Variants in ZHX2 observed in about 807,000 individuals in gnomAD.
ZHX2 encodes the protein zinc fingers and homeoboxes 2, also known as zinc fingers and homeoboxes protein 2.
A neutral mutation model predicts 21.9 loss-of-function variants in ZHX2; 6 were observed. That is an observed-to-expected ratio of 0.27 (90% CI 0.15 to 0.54). The LOEUF (loss-of-function observed/expected upper bound fraction) is 0.54, where lower values mean the gene tolerates loss of function less well. Among genes scored for constraint, ZHX2 ranks in the 20% least tolerant of loss-of-function variants. The pLI, the probability that ZHX2 is intolerant of heterozygous loss-of-function variation, is 0.95. For missense variants in ZHX2, 908 were observed against 1,090.7 expected (o/e 0.83, Z 2.36); for synonymous variants, 434 against 437.1 (o/e 0.99, Z 0.09).
chr8:122,971,843 C>A (rs561523515), intron 3 of ZHX2, among the ~76,000 whole-genome samples: 6 of 152,122 alleles, frequency 3.9e-5, no homozygotes, highest in Non-Finnish European at 5.9e-5. Context: ...GACCTGCCCC[C>A]ATTTCCTCTA....
chr8:122,941,748 G>A (rs1046232905), intron 2 of ZHX2, among the ~76,000 whole-genome samples: 2 of 152,050 alleles, frequency 1.3e-5, no homozygotes, highest in African/African-American at 2.4e-5. Flanking sequence ...TGAATTAGAA[G>A]AAGCCAAGTG....
chr8:122,966,893 C>T (rs1270919280), intron 3 of ZHX2, among the ~76,000 whole-genome samples: 1 of 152,114 alleles, frequency 6.6e-6, no homozygotes, highest in Non-Finnish European at 1.5e-5. Context: ...AATTCAAAAG[C>T]CTTGTCTTCA....
At position 122,973,662 on chromosome 8, in the gene ZHX2, T is replaced by G. The variant is rs561617063; in HGVS notation, c.*425T>G. The G allele has an allele frequency of 6.6e-6, 1 of 152,666 alleles. No individual in the cohort carries two copies. Among genetic ancestry groups the G allele is most frequent in the South Asian group, 2.1e-4 (1 of 4,828 alleles). 9.5% of individuals were successfully genotyped at this position (152,666 alleles called of 1,614,324 possible). On this transcript the variant is annotated 3_prime_UTR_variant, in exon 4 of 4. Transcript: ENST00000314393. ...TTTTCTCTTTTCTCTTTTTCTTTTTTTTATTTTTGTTTTATTAATTTGGGG... is the reference window on the plus strand; with the variant it reads ...TTTTCTCTTTTCTCTTTTTCTTTTTGTTATTTTTGTTTTATTAATTTGGGG...
intron 2 of ZHX2, among the ~76,000 whole-genome samples, chr8:122,945,606 G>C (rs887336756): frequency 7.2e-5 from 11 of 152,174 alleles, no homozygotes; most frequent in African/African-American, 2.7e-4. Context: ...CAGCAAGGGT[G>C]TATTTGGAGC....
chr8:122,946,412 C>G (rs549272036), intron 2 of ZHX2, among the ~76,000 whole-genome samples: 8 of 151,980 alleles, frequency 5.3e-5, no homozygotes, highest in Non-Finnish European at 1.2e-4. Flanking sequence ...CTCCTTCTTT[C>G]TTTTCTTCCT....
At chr8:122,891,512 A>T (rs1198539184) in intron 2 of ZHX2, among the ~76,000 whole-genome samples, 1 of 151,838 alleles carries the variant, frequency 6.6e-6, no homozygotes, top group Non-Finnish European at 1.5e-5. Context: ...GAGGTGTATC[A>T]TTAGATTGTT....
chr8:122,857,348 C>T (rs1819050367), intron 1 of ZHX2, among the ~76,000 whole-genome samples: 1 of 145,730 alleles, frequency 6.9e-6, no homozygotes, highest in Non-Finnish European at 1.5e-5. Context: ...GCAAGTGACA[C>T]TGTCACAAAC....
chr8:122,898,310 A>G (rs1252481182), intron 2 of ZHX2, among the ~76,000 whole-genome samples: 1 of 152,182 alleles, frequency 6.6e-6, no homozygotes, highest in Non-Finnish European at 1.5e-5. Context: ...CCTCAGGGAA[A>G]GTTGACGGTG....
At chr8:122,882,314 CAGAG>C (rs140529887) in intron 2 of ZHX2, among the ~76,000 whole-genome samples, 71 of 148,092 alleles carry the variant, frequency 4.8e-4, no homozygotes, top group East Asian at 2.0e-3. Flanking sequence ...CACACACACA[CAGAG>C]AGAGAGAGAG....
intron 2 of ZHX2, among the ~76,000 whole-genome samples, chr8:122,901,360 C>G (rs571743100): frequency 6.6e-6 from 1 of 152,326 alleles, no homozygotes; most frequent in African/African-American, 2.4e-5. Context: ...CCCTCCTACT[C>G]TCCCCAAGAG....
At chr8:122,839,433 G>A (rs923554487) in intron 1 of ZHX2, among the ~76,000 whole-genome samples, 7 of 152,088 alleles carry the variant, frequency 4.6e-5, no homozygotes, top group South Asian at 2.1e-4. Context: ...AGGCCTGCCC[G>A]GCTCGTATCC....
chr8:122,838,645 G>A (rs921018098), intron 1 of ZHX2, among the ~76,000 whole-genome samples: 2 of 141,956 alleles, frequency 1.4e-5, no homozygotes, highest in African/African-American at 5.3e-5. Flanking sequence ...GCTCGATCTC[G>A]GCTCACTGCA....
chr8:122,969,565 G>A (rs1813668984), intron 3 of ZHX2, among the ~76,000 whole-genome samples: 1 of 152,068 alleles, frequency 6.6e-6, no homozygotes, highest in Non-Finnish European at 1.5e-5. Context: ...AGGGCAAAGA[G>A]GGAAAAAATG....
chr8:122,866,467 A>T (rs1171398469), intron 2 of ZHX2, among the ~76,000 whole-genome samples: 1 of 152,058 alleles, frequency 6.6e-6, no homozygotes, highest in Non-Finnish European at 1.5e-5. Flanking sequence ...TGGCTCCCTC[A>T]CCCCATCTCA....
At chr8:122,931,709 T>A (rs1820998832) in intron 2 of ZHX2, among the ~76,000 whole-genome samples, 1 of 152,122 alleles carries the variant, frequency 6.6e-6, no homozygotes, top group Non-Finnish European at 1.5e-5. Context: ...AACCTACCAA[T>A]ACCTGGCCCT....
chr8:122,925,353 C>T (rs1487909820), intron 2 of ZHX2, among the ~76,000 whole-genome samples: 1 of 152,206 alleles, frequency 6.6e-6, no homozygotes, highest in African/African-American at 2.4e-5. Flanking sequence ...TAACTGCTAA[C>T]TGAGCACCTG....
At chr8:122,809,008 A>G (rs1007121798) in intron 1 of ZHX2, 1 of 152,152 alleles carries the variant, frequency 6.6e-6, no homozygotes, top group African/African-American at 2.4e-5. Context: ...CTTTTTTGCA[A>G]CCTCCTAACA....
At chr8:122,832,982 G>A (rs1244515271) in intron 1 of ZHX2, among the ~76,000 whole-genome samples, 1 of 152,072 alleles carries the variant, frequency 6.6e-6, no homozygotes, top group Admixed American at 6.6e-5. Flanking sequence ...TAAAAAGGTC[G>A]CAAGCAAGGG....
chr8:122,857,598 G>A (rs189097226), intron 1 of ZHX2, among the ~76,000 whole-genome samples: 1 of 152,094 alleles, frequency 6.6e-6, no homozygotes, highest in Admixed American at 6.5e-5. Context: ...AATCTCAGTT[G>A]AAGTTAGGTT....
Sources: allele counts gnomAD v4.1 joint callset (sites outside exome capture counted in the v4.1 genomes callset), GRCh38; gene constraint gnomAD v4.1.1; transcripts MANE v1.5; gene names NCBI Gene and HGNC (gene_info 2026-07-23, HGNC 2026-07-21).